NFX1: variants seen among roughly 807,000 people sequenced by gnomAD.
NFX1 encodes nuclear transcription factor, X-box binding 1.
Under a neutral mutation model 137.2 loss-of-function variants are expected in NFX1, and 69 were observed. That is an observed-to-expected ratio of 0.50 (90% CI 0.41 to 0.61). NFX1 has a LOEUF of 0.61. Among genes scored for constraint, NFX1 ranks in the 20% least tolerant of loss-of-function variants. The pLI is 0.00. For missense variants in NFX1, 1,167 were observed against 1,391.0 expected (o/e 0.84, Z 2.56); for synonymous variants, 495 against 474.1 (o/e 1.04, Z -0.57).
rs1197128740 is a variant in NFX1 at position 33,364,087 on chromosome 9, A to G, written c.2951A>G (p.Asp984Gly). ...NIRSSGSKFS[D>G]SLKEDARKDL... Reference sequence around the variant, plus strand: ...CGTTCTTCAGGGTCAAAATTCAGTGATAGTTTGAAAGAAGATGCCAGGTAT... The same window carrying G: ...CGTTCTTCAGGGTCAAAATTCAGTGGTAGTTTGAAAGAAGATGCCAGGTAT... Residue 984 changes from aspartate (D) to glycine (G), a missense_variant, in exon 20 of 24, where the codon GAT (aspartate) becomes GGT (glycine). Transcript: ENST00000379540. The G allele has an allele frequency of 5.0e-6, 8 of 1,603,018 alleles. No individual in the cohort carries two copies. The highest frequency in any genetic ancestry group is 1.7e-5 in the Admixed American group (1 of 57,908).
intron 4 of NFX1, among the ~76,000 whole-genome samples, chr9:33,304,212 A>G (rs1364817929): frequency 6.6e-6 from 1 of 152,228 alleles, no homozygotes; most frequent in Admixed American, 6.5e-5. Context: ...CAATGATCCA[A>G]GATCATGCCA....
intron 4 of NFX1, among the ~76,000 whole-genome samples, chr9:33,304,285 A>C (rs1438004432): frequency 6.6e-6 from 1 of 152,186 alleles, no homozygotes; most frequent in East Asian, 1.9e-4. Flanking sequence ...AATAAAATAA[A>C]AACAAAGAAA....
At chr9:33,353,683 C>CTT (rs111306917) in intron 17 of NFX1, among the ~76,000 whole-genome samples, 391 of 110,052 alleles carry the variant, frequency 3.6e-3, no homozygotes, top group East Asian at 5.3e-3. Flanking sequence ...GATAGATTTG[C>CTT]TTTTTTTTTT....
At chr9:33,344,222 C>T in intron 14 of NFX1, 34 bp downstream of exon 14, 1 of 1,611,986 alleles carries the variant, frequency 6.2e-7, no homozygotes, top group Non-Finnish European at 8.5e-7. Flanking sequence ...CTTCAGCCTG[C>T]TCACACCATG....
chr9:33,311,296 C>CTTT, intron 6 of NFX1, 119 bp downstream of exon 6: 2 of 714,518 alleles, frequency 2.8e-6, no homozygotes, highest in South Asian at 2.1e-5. Flanking sequence ...ATGAATAGTA[C>CTTT]TTTTTTTTTT....
chr9:33,290,521 G>A lies in NFX1; in HGVS notation c.-52G>A. On this transcript the variant is annotated 5_prime_UTR_variant, in exon 1 of 24. Coordinates refer to ENST00000379540, the MANE Select transcript of NFX1 (RefSeq NM_002504.6). Reference sequence around the variant, plus strand: ...GCCGGAAGTCCGGGGCACGTGACCTGGTGACAGTGCTGACTTGGCTGTACA... The same window carrying A: ...GCCGGAAGTCCGGGGCACGTGACCTAGTGACAGTGCTGACTTGGCTGTACA... 2 of 1,606,368 alleles carry A rather than the reference G, an allele frequency of 1.2e-6. No individual in the cohort carries two copies. Among genetic ancestry groups the A allele is most frequent in the Non-Finnish European group, 8.5e-7 (1 of 1,173,162 alleles).
At chr9:33,365,141 G>GCA in intron 21 of NFX1, 1 of 257,082 alleles carries the variant, frequency 3.9e-6, no homozygotes, top group Non-Finnish European at 6.4e-6. Context: ...GGGTGTGGTG[G>GCA]CGGGCACCTG....
intron 21 of NFX1, chr9:33,365,011 T>A (rs1457646273): frequency 1.5e-6 from 2 of 1,298,436 alleles, no homozygotes. Flanking sequence ...CAGTGTCTCA[T>A]GCCTGTAATG....
chr9:33,323,668 C>A (rs1070046), intron 9 of NFX1, among the ~76,000 whole-genome samples: 149,186 of 151,998 alleles, frequency 0.98, 73,284 homozygotes, highest in East Asian at 1. Context: ...CAGGAGAATC[C>A]CTTGAACCCA....
chr9:33,311,190 T>A lies in NFX1; in HGVS notation c.1448+13T>A. ...GTGGACGAACCAGGTAAAGTTAAAA[T>A]TACACCCTAAAGAAGACCTCAGTTT... On this transcript the variant is annotated intron_variant, in intron 6 of 23. Coordinates refer to ENST00000379540, the MANE Select transcript of NFX1 (RefSeq NM_002504.6). The A allele has an allele frequency of 7.4e-6, 12 of 1,612,782 alleles. No individual in the cohort carries two copies. The highest frequency in any genetic ancestry group is 9.3e-6 in the Non-Finnish European group (11 of 1,178,930).
chr9:33,319,164 A>G (rs1822290791), intron 9 of NFX1, 37 bp downstream of exon 9: 1 of 1,576,402 alleles, frequency 6.3e-7, no homozygotes, highest in Non-Finnish European at 8.7e-7. Context: ...TAAAAATATT[A>G]TTGTAAATGG....
chr9:33,348,782 CT>C (rs1437711983), intron 15 of NFX1: 30 of 984,886 alleles, frequency 3.0e-5, no homozygotes, highest in African/African-American at 3.5e-5. Flanking sequence ...GAAAGAAATA[CT>C]CTACCATTCT....
At chr9:33,342,035 G>A (rs1823241151) in intron 12 of NFX1, among the ~76,000 whole-genome samples, 2 of 151,902 alleles carry the variant, frequency 1.3e-5, no homozygotes, top group East Asian at 3.8e-4. Flanking sequence ...AGAATTGCTT[G>A]AACCCAGGAG....
chr9:33,366,912 A>C, intron 22 of NFX1, 138 bp downstream of exon 22: 1 of 1,147,602 alleles, frequency 8.7e-7, no homozygotes, highest in Non-Finnish European at 1.2e-6. Context: ...CTTCTCTGGC[A>C]CTTCCCAGAT....
At chr9:33,348,945 A>T (rs564601328) in intron 15 of NFX1, among the ~76,000 whole-genome samples, 1 of 152,122 alleles carries the variant, frequency 6.6e-6, no homozygotes, top group Non-Finnish European at 1.5e-5. Flanking sequence ...CCAACATTTC[A>T]TGAAACTCTT....
chr9:33,326,753 G>T (rs1196274341), intron 9 of NFX1, among the ~76,000 whole-genome samples: 1 of 152,086 alleles, frequency 6.6e-6, no homozygotes, highest in Non-Finnish European at 1.5e-5. Flanking sequence ...ATATATATTT[G>T]TTATCTTTTT....
chr9:33,295,097 C>A lies in NFX1; in HGVS notation c.703C>A (p.Arg235=). ...AGTATTGGATGGGTATGGAGCCAGACGAAATGAGCAGAGAAGATACCCACA... is the reference window on the plus strand; with the variant it reads ...AGTATTGGATGGGTATGGAGCCAGAAGAAATGAGCAGAGAAGATACCCACA... ...KGVLDGYGAR[R]NEQRRYPQKR... Residue 235 remains arginine (R), a synonymous_variant, in exon 2 of 24, where the codon CGA becomes AGA. Transcript: ENST00000379540. The A allele has an allele frequency of 6.2e-7, 1 of 1,614,038 alleles. No individual in the cohort carries two copies. Among genetic ancestry groups the A allele is most frequent in the South Asian group, 1.1e-5 (1 of 91,078 alleles).
In NFX1 at chr9:33,332,471, G is replaced by T; in HGVS notation, c.2005-1G>T. 6.3e-7 allele frequency: 1 copy of T among 1,590,568 alleles called. No homozygotes were observed. Among genetic ancestry groups the T allele is most frequent in the East Asian group, 2.3e-5 (1 of 44,314 alleles). On this transcript the variant is annotated splice_acceptor_variant, in intron 10 of 23. Coordinates refer to ENST00000379540, the MANE Select transcript of NFX1 (RefSeq NM_002504.6). LOFTEE classifies it high-confidence loss of function. ...TACCATTTCTTTTTCTTTTTCCATA[G>T]GAGCTTCCATGTACCAGTCTCAAAA...
chr9:33,335,254 G>T lies in NFX1; in HGVS notation c.2035+2752G>T, dbSNP rs58630959. Among the ~76,000 whole-genome samples the T allele has an allele frequency of 2.1e-3, 290 of 140,342 alleles. 1 individual carries two copies. The highest frequency in any genetic ancestry group is 7.9e-3 in the African/African-American group (282 of 35,828). 92.1% of individuals were successfully genotyped at this position (140,342 alleles called of 152,430 possible). On this transcript the variant is annotated intron_variant, in intron 11 of 23. Transcript: ENST00000379540. ...TTTTTTTTTTTTTTTTTTTGAGACG[G>T]AGTTTTGCTCTTGTTGCCCAGGCTG...
Sources: gnomAD v4.1 joint callset for allele counts (sites outside exome capture counted in the v4.1 genomes callset) on GRCh38, gnomAD v4.1.1 for gene constraint, MANE v1.5 for transcripts, NCBI Gene and HGNC (gene_info 2026-07-23, HGNC 2026-07-21) for gene names.